The following EPHA6 variants were observed in gnomAD, a reference collection of about 807,000 sequenced individuals.
EPHA6 encodes the protein ephrin type-A receptor 6.
A neutral mutation model predicts 112.0 loss-of-function variants in EPHA6; 50 were observed. The ratio of observed to expected loss-of-function variants is 0.45; its 90% CI spans 0.36 to 0.56. The LOEUF (loss-of-function observed/expected upper bound fraction) is 0.56, where lower values mean the gene tolerates loss of function less well. Among genes scored for constraint, EPHA6 ranks in the 20% least tolerant of loss-of-function variants. The pLI is 0.00. For missense variants in EPHA6, 1,280 were observed against 1,417.4 expected (o/e 0.90, Z 1.56); for synonymous variants, 529 against 490.7 (o/e 1.08, Z -1.03).
rs1402336821 is a variant in EPHA6, at chr3:97,761,285, C to G, written c.*12584C>G. 3 of 196,080 alleles carry G rather than the reference C, an allele frequency of 1.5e-5. No individual in the cohort carries two copies. The highest frequency in any genetic ancestry group is 2.3e-5 in the African/African-American group (1 of 43,264). 12.1% of individuals were successfully genotyped at this position (196,080 alleles called of 1,614,324 possible). ...TAATAGTGTTATAGAATGCTCAGCT[C>G]TCAATATGAGGGGTTGTTTGTGGTG... is the stretch of plus-strand genomic sequence containing the variant. On this transcript the variant is annotated 3_prime_UTR_variant, in exon 18 of 18. Coordinates refer to ENST00000389672, the MANE Select transcript of EPHA6 (RefSeq NM_001080448.3).
chr3:97,459,915 GA>G (rs1465480594), intron 7 of EPHA6, among the ~76,000 whole-genome samples: 1 of 152,174 alleles, frequency 6.6e-6, no homozygotes, highest in Non-Finnish European at 1.5e-5. Context: ...TGAACTTTCT[GA>G]AGATGCAGTA....
At chr3:97,294,814 G>T (rs537396692) in intron 5 of EPHA6, among the ~76,000 whole-genome samples, 1 of 152,168 alleles carries the variant, frequency 6.6e-6, no homozygotes, top group African/African-American at 2.4e-5. Context: ...CTTAGTCTTT[G>T]CTTCTCTGGT....
chr3:97,270,202 A>G (rs1414297795), intron 5 of EPHA6, among the ~76,000 whole-genome samples: 2 of 152,196 alleles, frequency 1.3e-5, no homozygotes, highest in African/African-American at 4.8e-5. Flanking sequence ...GTCAAAAATA[A>G]TTTTTTAAAT....
At chr3:97,506,573 T>C (rs2092258156) in intron 10 of EPHA6, among the ~76,000 whole-genome samples, 1 of 152,204 alleles carries the variant, frequency 6.6e-6, no homozygotes, top group African/African-American at 2.4e-5. Context: ...CATGCTGTTT[T>C]GGTTACTGTA....
At chr3:97,145,088 T>C (rs1375214819) in intron 3 of EPHA6, among the ~76,000 whole-genome samples, 1 of 151,546 alleles carries the variant, frequency 6.6e-6, no homozygotes, top group African/African-American at 2.4e-5. Flanking sequence ...CGTGTCTGTG[T>C]ATATATAGAA....
intron 5 of EPHA6, among the ~76,000 whole-genome samples, chr3:97,387,125 G>A (rs1295938204): frequency 6.6e-6 from 1 of 152,208 alleles, no homozygotes; most frequent in Non-Finnish European, 1.5e-5. Flanking sequence ...CTGCCAAGAA[G>A]GTCTCTGAAA....
intron 3 of EPHA6, among the ~76,000 whole-genome samples, chr3:97,073,607 CTT>C (rs1405924365): frequency 3.3e-5 from 5 of 152,034 alleles, no homozygotes; most frequent in Non-Finnish European, 7.4e-5. Context: ...ATAACATACT[CTT>C]TTTATAAAAC....
chr3:97,544,178 A>C (rs990909906), intron 11 of EPHA6, among the ~76,000 whole-genome samples: 9 of 152,312 alleles, frequency 5.9e-5, no homozygotes, highest in African/African-American at 2.2e-4. Flanking sequence ...CCCATTTTCA[A>C]AGGGAATGCT....
intron 11 of EPHA6, among the ~76,000 whole-genome samples, chr3:97,542,017 G>A (rs531390946): frequency 5.9e-5 from 9 of 151,792 alleles, no homozygotes; most frequent in East Asian, 5.8e-4. Context: ...TCCGATGTTC[G>A]AGGGCAGGAA....
intron 4 of EPHA6, among the ~76,000 whole-genome samples, chr3:97,229,787 T>C (rs371999393): frequency 6.6e-6 from 1 of 152,162 alleles, no homozygotes; most frequent in African/African-American, 2.4e-5. Flanking sequence ...TCATTGTTGC[T>C]ATTCATTAGT....
chr3:96,913,692 C>T lies in EPHA6; in HGVS notation c.450+46803C>T, dbSNP rs1475214426. Among the ~76,000 whole-genome samples, 4 of 152,116 alleles carry T rather than the reference C, an allele frequency of 2.6e-5. No homozygotes were observed. In the East Asian group the frequency reaches 5.8e-4, roughly 22 times the overall value. On this transcript the variant is annotated intron_variant, in intron 2 of 17. Coordinates refer to ENST00000389672, the MANE Select transcript of EPHA6 (RefSeq NM_001080448.3). ...GTGTCTGGTTTATTGCTGTACTCTCCGTGTCTTTTATGTACTAGTACTCAA... is the reference window on the plus strand; with the variant it reads ...GTGTCTGGTTTATTGCTGTACTCTCTGTGTCTTTTATGTACTAGTACTCAA...
In EPHA6 at chr3:96,921,101, A is replaced by AT. The variant is rs200634028; in HGVS notation, c.450+54213dup. Among the ~76,000 whole-genome samples, 1,108 of 152,196 alleles carry AT rather than the reference A, an allele frequency of 7.3e-3. 21 individuals are homozygous for AT. The highest frequency in any genetic ancestry group is 0.015 in the Middle Eastern group (4 of 272). ...TACTTTAAGACTAAGGACTATGCGT[A>AT]TAACTATATCTCAAAAAATATTTAG... On this transcript the variant is annotated intron_variant, in intron 2 of 17. Coordinates refer to ENST00000389672, the MANE Select transcript of EPHA6 (RefSeq NM_001080448.3).
chr3:97,205,562 T>C (rs2077694188), intron 3 of EPHA6, among the ~76,000 whole-genome samples: 2 of 152,032 alleles, frequency 1.3e-5, no homozygotes, highest in Non-Finnish European at 2.9e-5. Flanking sequence ...GGGAAACCTA[T>C]GTAAACAGAA....
At chr3:97,033,778 G>A (rs1048209775) in intron 3 of EPHA6, among the ~76,000 whole-genome samples, 5 of 151,852 alleles carry the variant, frequency 3.3e-5, no homozygotes, top group Non-Finnish European at 5.9e-5. Flanking sequence ...TATTTGATAA[G>A]AGCCCCAAAT....
intron 5 of EPHA6, among the ~76,000 whole-genome samples, chr3:97,385,206 G>T (rs1014694202): frequency 1.3e-5 from 2 of 152,010 alleles, no homozygotes; most frequent in African/African-American, 4.8e-5. Flanking sequence ...TTACATAAGA[G>T]ACCAAGAAAG....
At chr3:96,967,521 A>T (rs2042167905) in intron 2 of EPHA6, among the ~76,000 whole-genome samples, 1 of 151,904 alleles carries the variant, frequency 6.6e-6, no homozygotes, top group South Asian at 2.1e-4. Flanking sequence ...GAATTACTAG[A>T]TCAGTGTCTT....
intron 2 of EPHA6, among the ~76,000 whole-genome samples, chr3:96,905,661 C>A (rs555902888): frequency 6.6e-6 from 1 of 151,556 alleles, no homozygotes; most frequent in East Asian, 1.9e-4. Flanking sequence ...AAGCTTGTAA[C>A]TTTAAGAAGA....
intron 1 of EPHA6, among the ~76,000 whole-genome samples, chr3:96,829,928 C>A (rs1028041659): frequency 6.9e-6 from 1 of 145,844 alleles, no homozygotes; most frequent in Non-Finnish European, 1.5e-5. Context: ...TATACACATG[C>A]ACGTGCATGT....
intron 2 of EPHA6, among the ~76,000 whole-genome samples, chr3:96,905,739 A>C (rs1053732995): frequency 4.6e-5 from 7 of 151,996 alleles, no homozygotes; most frequent in Non-Finnish European, 8.8e-5. Flanking sequence ...GGAATCACCA[A>C]GAGTGACAAT....
Sources: allele counts gnomAD v4.1 joint callset (sites outside exome capture counted in the v4.1 genomes callset), GRCh38; gene constraint gnomAD v4.1.1; transcripts MANE v1.5; gene names NCBI Gene and HGNC (gene_info 2026-07-23, HGNC 2026-07-21).